C16orf46: variants seen among roughly 807,000 people sequenced by gnomAD.
C16orf46 encodes chromosome 16 open reading frame 46.
C16orf46 carries 7 observed loss-of-function variants against 5.5 expected under a neutral mutation model. That is an observed-to-expected ratio of 1.28 (90% CI 0.73 to 2.40). C16orf46 has a LOEUF of 2.40. Among genes scored for constraint, C16orf46 ranks in the 30% most tolerant of loss-of-function variants. The probability of loss-of-function intolerance (pLI) is 0.00; values close to 1 mark genes in which losing one functional copy is unlikely to be tolerated. For synonymous variants in C16orf46, 200 were observed against 184.1 expected (o/e 1.09, Z -0.70); for missense variants, 614 against 476.0 (o/e 1.29, Z -2.70).
At chr16:81,056,150 T>C (rs1024967419), downstream of C16orf46, 1 of 152,234 alleles carries the variant, frequency 6.6e-6, no homozygotes, top group African/African-American at 2.4e-5. Context: ...CCACAAAGTA[T>C]TGGCTGCCTT....
chr16:81,055,941 C>T (rs532611109), intron 3 of C16orf46: 9 of 152,308 alleles, frequency 5.9e-5, no homozygotes, highest in Admixed American at 5.9e-4. Flanking sequence ...TGATCTCGAA[C>T]TCCTGACCTC....
rs1971455357 is a variant in C16orf46 at position 81,061,209 on chromosome 16, G to A, written c.1140C>T (p.Leu380=). 3 of 1,614,026 alleles carry A rather than the reference G, an allele frequency of 1.9e-6. No individual in the cohort carries two copies. The highest frequency in any genetic ancestry group is 2.5e-6 in the Non-Finnish European group (3 of 1,179,922). Residue 380 remains leucine (L), a synonymous_variant, in exon 4 of 4, where the codon CTC becomes CTT. Coordinates refer to ENST00000299578, the MANE Select transcript of C16orf46 (RefSeq NM_152337.3). ...KVFPRPVLPS[L]TVSRVIIPVS... ...CAGGAATGATAACTCTGCTCACTGT[G>A]AGAGACGGCAAGACAGGTCTTGGGA...
chr16:81,055,863 A>G (rs1971279883), intron 3 of C16orf46: 1 of 152,268 alleles, frequency 6.6e-6, no homozygotes, highest in Admixed American at 6.5e-5. Flanking sequence ...GATTATAGGC[A>G]TGTGCCACCA....
chr16:81,069,894 G>C (rs1340883141), intron 1 of C16orf46: 1 of 152,226 alleles, frequency 6.6e-6, no homozygotes, highest in Non-Finnish European at 1.5e-5. Flanking sequence ...GGAGGCCAAG[G>C]CAGGTGGATC....
At chr16:81,058,931 C>T (rs1205781487), downstream of C16orf46, among the ~76,000 whole-genome samples, 1 of 152,154 alleles carries the variant, frequency 6.6e-6, no homozygotes, top group Non-Finnish European at 1.5e-5. Flanking sequence ...TTAATGCTGT[C>T]CTGACCAAAC....
rs181728351 is a variant in C16orf46 at position 81,072,664 on chromosome 16, G to A, written c.-128+4472C>T. 5.6e-3 allele frequency among the ~76,000 whole-genome samples: 845 copies of A among 151,428 alleles called. 6 individuals are homozygous for A. The highest frequency in any genetic ancestry group is 8.4e-3 in the Non-Finnish European group (572 of 67,898). ...CTCCCAAAGTGCTGGGATTATAGGC[G>A]TGAGCCACCGTGCCCACCCTAGTTT... On this transcript the variant is annotated intron_variant, in intron 1 of 3. Transcript: ENST00000299578.
chr16:81,053,740 A>G (rs112518115), exon 4 of C16orf46: 6 of 228,688 alleles, frequency 2.6e-5, no homozygotes, highest in African/African-American at 1.1e-4. Flanking sequence ...AAATAGTCCA[A>G]TGTATCTGAA....
intron 1 of C16orf46, chr16:81,069,948 C>A (rs1971790073): frequency 6.6e-6 from 1 of 152,084 alleles, no homozygotes. Flanking sequence ...GACGGTAAAA[C>A]CCCATCTCTA....
chr16:81,060,880 G>T, downstream of C16orf46: 1 of 809,136 alleles, frequency 1.2e-6, no homozygotes, highest in Non-Finnish European at 1.6e-6. Context: ...GGCAGAGGCT[G>T]GGGCTGGCAA....
In C16orf46 at chr16:81,061,311, A is replaced by G. The variant is rs753955003; in HGVS notation, c.1038T>C (p.Ser346=). ...KSKFKAKEPR[S]PVITRKHVLP... is the part of the protein sequence containing the mutation. Reference sequence around the variant, plus strand: ...GAACATGCTTTCGGGTGATCACAGGAGATCTTGGCTCCTTGGCTTTGAATT... The same window carrying G: ...GAACATGCTTTCGGGTGATCACAGGGGATCTTGGCTCCTTGGCTTTGAATT... The change falls in exon 4 of 4, where the codon TCT becomes TCC. Residue 346 remains serine (S), a synonymous_variant. Transcript: ENST00000299578. The G allele has an allele frequency of 6.2e-7, 1 of 1,614,062 alleles. No homozygotes were observed. The highest frequency in any genetic ancestry group is 1.1e-5 in the South Asian group (1 of 91,078).
At chr16:81,074,220 C>CA (rs1971950635) in intron 1 of C16orf46, among the ~76,000 whole-genome samples, 1 of 152,126 alleles carries the variant, frequency 6.6e-6, no homozygotes, top group Non-Finnish European at 1.5e-5. Context: ...CTTAAGAATG[C>CA]AAAATTACCT....
intron 1 of C16orf46, among the ~76,000 whole-genome samples, chr16:81,069,088 T>C (rs959947169): frequency 2.0e-5 from 3 of 152,160 alleles, no homozygotes; most frequent in South Asian, 2.1e-4. Flanking sequence ...TATAAAAAAA[T>C]AGAATTCTGA....
At chr16:81,065,874 C>T (rs1433273212) in intron 2 of C16orf46, among the ~76,000 whole-genome samples, 1 of 151,520 alleles carries the variant, frequency 6.6e-6, no homozygotes, top group Non-Finnish European at 1.5e-5. Context: ...GAGTCTCACT[C>T]TGTTGCCCAT....
At position 81,061,761 on chromosome 16, in the gene C16orf46, C is replaced by T; in HGVS notation, c.588G>A (p.Gly196=). 1 of 1,613,828 alleles carries T rather than the reference C, an allele frequency of 6.2e-7. No individual in the cohort carries two copies. The highest frequency in any genetic ancestry group is 1.1e-5 in the South Asian group (1 of 91,078). ...SGNPSGGAHR[G]LSIPGPLTSR... ...AAGTCAGGGGGCCTGGGATGGACAG[C>T]CCTCTGTGGGCCCCTCCACTGGGAT... Residue 196 remains glycine (G), a synonymous_variant, in exon 4 of 4, where the codon GGG becomes GGA. Coordinates refer to ENST00000299578, the MANE Select transcript of C16orf46 (RefSeq NM_152337.3).
downstream of C16orf46, among the ~76,000 whole-genome samples, chr16:81,059,028 T>A (rs1189946911): frequency 6.6e-6 from 1 of 152,148 alleles, no homozygotes; most frequent in Non-Finnish European, 1.5e-5. Context: ...TTAAAAGAGA[T>A]AATGTCTGGG....
chr16:81,074,531 C>G (rs1206764336), intron 1 of C16orf46, among the ~76,000 whole-genome samples: 1 of 151,938 alleles, frequency 6.6e-6, no homozygotes, highest in Non-Finnish European at 1.5e-5. Flanking sequence ...ACTACAGATG[C>G]GCGCCATCAC....
At chr16:81,072,449 G>T (rs1468060525) in intron 1 of C16orf46, among the ~76,000 whole-genome samples, 1 of 151,872 alleles carries the variant, frequency 6.6e-6, no homozygotes, top group African/African-American at 2.4e-5. Context: ...GCAATGGTGC[G>T]ATCTTAGCTC....
rs1971503964 is a variant in C16orf46 at position 81,062,123 on chromosome 16, T to A, written c.226A>T (p.Arg76Trp). Residue 76 changes from arginine to tryptophan, a missense_variant, in exon 4 of 4, where the codon AGG becomes TGG. Arg to Trp is a moderately radical substitution (Grantham distance 101). Coordinates refer to ENST00000299578, the MANE Select transcript of C16orf46 (RefSeq NM_152337.3). ...GWEEAVQGWGRTSPAACIWPR... is the reference protein window; with the variant it reads ...GWEEAVQGWGWTSPAACIWPR... ...CAGATGCAGGCAGCTGGAGAAGTCC[T>A]TCCCCACCCTTGGACCTGCAAATAA... The A allele has an allele frequency of 1.3e-6, 2 of 1,590,086 alleles. No homozygotes were observed. Among genetic ancestry groups the A allele is most frequent in the African/African-American group, 2.7e-5 (2 of 74,732 alleles).
chr16:81,054,048 T>C, exon 4 of C16orf46: 4 of 1,606,348 alleles, frequency 2.5e-6, no homozygotes, highest in Non-Finnish European at 3.4e-6. Flanking sequence ...TGCTTAGGAC[T>C]GAATGTGAAA....
Sources: gnomAD v4.1 joint callset for allele counts (sites outside exome capture counted in the v4.1 genomes callset) on GRCh38, gnomAD v4.1.1 for gene constraint, MANE v1.5 for transcripts, NCBI Gene and HGNC (gene_info 2026-07-23, HGNC 2026-07-21) for gene names.